PKN3: variants seen among roughly 807,000 people sequenced by gnomAD.
PKN3 encodes protein kinase N3.
Under a neutral mutation model 113.1 loss-of-function variants are expected in PKN3, and 91 were observed. The ratio of observed to expected loss-of-function variants is 0.80; its 90% CI spans 0.68 to 0.96. The LOEUF (loss-of-function observed/expected upper bound fraction) is 0.96, where lower values mean the gene tolerates loss of function less well. PKN3 is among the 40% of genes least tolerant of loss of function. PKN3 has a pLI of 0.00. For missense variants in PKN3, 1,052 were observed against 1,202.2 expected, an observed-to-expected ratio of 0.88 and a Z score of 1.85; for synonymous variants, 467 against 499.0, an observed-to-expected ratio of 0.94 and a Z score of 0.85.
intron 8 of PKN3, 53 bp from the exon 9 acceptor site, chr9:128,713,446 C>T (rs78054609): frequency 6.2e-7 from 1 of 1,612,560 alleles, no homozygotes; most frequent in East Asian, 2.2e-5. Context: ...GAAGGCTGCC[C>T]AGGTCGGGGC....
In PKN3 at chr9:128,713,615, G is replaced by C. The variant is rs772829128; in HGVS notation, c.1209G>C (p.Leu403=). The change falls in exon 9 of 22, where the codon CTG becomes CTC. Residue 403 remains leucine (L), a synonymous_variant. Transcript: ENST00000291906. The part of the protein sequence containing the change: ...DNACHQLSLS[L]VPQGLLFAQV... ...CCTGTCACCAACTGTCCCTCAGCCT[G>C]GTACCGCAGGGACTGCTTTTTGCCC... The C allele has an allele frequency of 3.0e-5, 49 of 1,613,738 alleles. No individual in the cohort carries two copies. Among genetic ancestry groups the C allele is most frequent in the Non-Finnish European group, 4.0e-5 (47 of 1,179,998 alleles).
At chr9:128,712,188 G>C (rs1290864052) in intron 6 of PKN3, among the ~76,000 whole-genome samples, 1 of 152,204 alleles carries the variant, frequency 6.6e-6, no homozygotes, top group Non-Finnish European at 1.5e-5. Flanking sequence ...GGGATTACAG[G>C]CATGAGCCAC....
At chr9:128,705,680 T>TG in intron 2 of PKN3, 54 bp from the exon 3 acceptor site, 1 of 1,548,078 alleles carries the variant, frequency 6.5e-7, no homozygotes, top group Non-Finnish European at 8.7e-7. Context: ...AAGGCCACAG[T>TG]GGGGGTCTCG....
Position 128,713,136 on chromosome 9 carries a change from G to A in PKN3, c.920G>A (p.Ser307Asn). 1 of 1,611,866 alleles carries A rather than the reference G, an allele frequency of 6.2e-7. No individual in the cohort carries two copies. Among genetic ancestry groups the A allele is most frequent in the Non-Finnish European group, 8.5e-7 (1 of 1,179,048 alleles). The change falls in exon 7 of 22, where the codon AGC becomes AAC. Residue 307 changes from serine (S) to asparagine (N), a missense_variant. Ser to Asn is a conservative substitution (Grantham distance 46). Coordinates refer to ENST00000291906, the MANE Select transcript of PKN3 (RefSeq NM_013355.5). Reference sequence around the variant, plus strand: ...TCCCCAGCGGCCGCACTGGCCAGCAGCCCCTCCGAGGGCTGGCTTCGGACC... The same window carrying A: ...TCCCCAGCGGCCGCACTGGCCAGCAACCCCTCCGAGGGCTGGCTTCGGACC... ...GRSPAAALASSPSEGWLRTKA... is the reference protein window; with the variant it reads ...GRSPAAALASNPSEGWLRTKA...
At position 128,702,546 on chromosome 9, in the gene PKN3, G is replaced by A; in HGVS notation, c.-370G>A. On this transcript the variant is annotated 5_prime_UTR_variant, in exon 1 of 22. Transcript: ENST00000291906. ...CCGGCTCCCGCGGGCGCGCGGCGGG[G>A]AAGGCCAGAGGACCTGGGCGCGGGC... 4.2e-6 allele frequency: 1 copy of A among 240,566 alleles called. No homozygotes were observed. Among genetic ancestry groups the A allele is most frequent in the South Asian group, 1.2e-4 (1 of 8,306 alleles). The allele number at this position is 240,566 out of a possible 1,614,324, so 14.9% of individuals were successfully genotyped here.
At position 128,707,251 on chromosome 9, in the gene PKN3, G is replaced by C; in HGVS notation, c.681G>C (p.Gln227His). 6.2e-7 allele frequency: 1 copy of C among 1,611,260 alleles called. No individual in the cohort carries two copies. Among genetic ancestry groups the C allele is most frequent in the Non-Finnish European group, 8.5e-7 (1 of 1,177,966 alleles). The stretch of plus-strand genomic sequence containing the variant: ...AGGCCCAGCTACAGGAGTCCTCTCA[G>C]AAACTGGACCTCCTGCGCCTGGCCT... ...EAQAQLQESS[Q>H]KLDLLRLALE... The change falls in exon 6 of 22, where the codon CAG becomes CAC. Residue 227 changes from glutamine (Q) to histidine (H), a missense_variant. This residue lies in a region of PKN3 where 719 missense variants were observed against 759.4 expected (regional missense o/e 0.95). Coordinates refer to ENST00000291906, the MANE Select transcript of PKN3 (RefSeq NM_013355.5).
rs527575809 is a variant in PKN3 at position 128,712,896 on chromosome 9, G to A, written c.836-156G>A. ...TAGGCACTCTAGGCCGCCACACTGA[G>A]TGAGGTTCCTCAGGTAACTGCCCTG... On this transcript the variant is annotated intron_variant, in intron 6 of 21. Coordinates refer to ENST00000291906, the MANE Select transcript of PKN3 (RefSeq NM_013355.5). Among the ~76,000 whole-genome samples, 33 of 152,312 alleles carry A rather than the reference G, an allele frequency of 2.2e-4. 1 individual carries two copies. Among genetic ancestry groups the A allele is most frequent in the Admixed American group, 1.8e-3 (27 of 15,308 alleles).
Position 128,705,480 on chromosome 9 carries a change from C to A in PKN3, c.202C>A (p.His68Asn). Residue 68 changes from histidine to asparagine, a missense_variant, in exon 2 of 22, where the codon CAT (histidine) becomes AAT (asparagine). His to Asn is a moderately conservative substitution (Grantham distance 68). Coordinates refer to ENST00000291906, the MANE Select transcript of PKN3 (RefSeq NM_013355.5). ...CTCCAACCGCCGCCTGGAGCAGCTG[C>A]ATGGCGAGCTGCGGGAGCTGCACGC... ...RSSNRRLEQL[H>N]GELRELHARI... 6.4e-7 allele frequency: 1 copy of A among 1,565,404 alleles called. No homozygotes were observed. Among genetic ancestry groups the A allele is most frequent in the Non-Finnish European group, 8.7e-7 (1 of 1,155,982 alleles).
At position 128,719,549 on chromosome 9, in the gene PKN3, C is replaced by T. The variant is rs1862459592; in HGVS notation, c.2126-137C>T. On this transcript the variant is annotated intron_variant, in intron 18 of 21. Coordinates refer to ENST00000291906, the MANE Select transcript of PKN3 (RefSeq NM_013355.5). ...GGCTCTGCATGCAGTCAAATGGCGT[C>T]ATAACCATTCCCACTTCCTTGGGTA... is the stretch of plus-strand genomic sequence containing the variant. 5 of 887,390 alleles carry T rather than the reference C, an allele frequency of 5.6e-6. No individual in the cohort carries two copies. The South Asian group carries it at 7.4e-5, about 13-fold the overall frequency. 55.0% of individuals were successfully genotyped at this position (887,390 alleles called of 1,614,324 possible). A position where few individuals can be genotyped will look rare whatever the true frequency, so the allele number is the denominator to read the frequency against.
At chr9:128,717,020 A>G in intron 16 of PKN3, 97 bp downstream of exon 16, 2 of 983,618 alleles carry the variant, frequency 2.0e-6, no homozygotes, top group East Asian at 4.9e-5. Context: ...GCCCAACAGC[A>G]GGGGAGCAGG....
intron 18 of PKN3, among the ~76,000 whole-genome samples, chr9:128,719,453 T>C (rs1010236298): frequency 4.6e-5 from 7 of 152,204 alleles, no homozygotes; most frequent in African/African-American, 1.4e-4. Context: ...CCTCCCAAAG[T>C]GCTGGGATTA....
chr9:128,703,881 C>T (rs906122955), intron 1 of PKN3: 2 of 985,358 alleles, frequency 2.0e-6, no homozygotes, highest in Non-Finnish European at 2.4e-6. Context: ...CTGCGGGGCT[C>T]CGCCCTGCAG....
intron 6 of PKN3, among the ~76,000 whole-genome samples, chr9:128,707,949 G>A (rs1309283299): frequency 6.6e-6 from 1 of 151,014 alleles, no homozygotes; most frequent in East Asian, 2.0e-4. Context: ...GCGGGTGCCT[G>A]TAATCCTGGT....
Position 128,711,607 on chromosome 9 carries a change from G to C in PKN3, c.836-1445G>C, listed in dbSNP as rs1489398221. Among the ~76,000 whole-genome samples the C allele has an allele frequency of 6.1e-5, 8 of 131,666 alleles. No homozygotes were observed. In the South Asian group the frequency reaches 7.2e-4, roughly 12 times the overall value. The allele number at this position is 131,666 out of a possible 152,430, so 86.4% of individuals were successfully genotyped here. On this transcript the variant is annotated intron_variant, in intron 6 of 21. Transcript: ENST00000291906. ...GCCACCACGCCCGGCCTTTTTTTTGGGGGGGGTGGGGGACAGAGTCTTGCT... is the reference window on the plus strand; with the variant it reads ...GCCACCACGCCCGGCCTTTTTTTTGCGGGGGGTGGGGGACAGAGTCTTGCT...
Position 128,706,983 on chromosome 9 carries a change from T to C in PKN3, c.611T>C (p.Leu204Pro). The change falls in exon 5 of 22, where the codon CTT becomes CCT. Residue 204 changes from leucine to proline, a missense_variant. Leu to Pro is a moderately conservative substitution (Grantham distance 98, BLOSUM62 -3). This residue lies in a region of PKN3 where 719 missense variants were observed against 759.4 expected (regional missense o/e 0.95). Coordinates refer to ENST00000291906, the MANE Select transcript of PKN3 (RefSeq NM_013355.5). ...GGCGCCAAGAACGTGGTGAAACTGC[T>C]TAGTAGCCGGAGAACACAGGACCGC... ...AEGAKNVVKLLSSRRTQDRKA... is the reference protein window; with the variant it reads ...AEGAKNVVKLPSSRRTQDRKA... 1 of 1,614,136 alleles carries C rather than the reference T, an allele frequency of 6.2e-7. No homozygotes were observed. Among genetic ancestry groups the C allele is most frequent in the African/African-American group, 1.3e-5 (1 of 75,026 alleles).
rs774559235 is a variant in PKN3, at chr9:128,715,262, G to C, written c.1716+27G>C. 3.7e-6 allele frequency: 6 copies of C among 1,613,136 alleles called. No homozygotes were observed. Among genetic ancestry groups the C allele is most frequent in the Non-Finnish European group, 3.4e-6 (4 of 1,179,138 alleles). The stretch of plus-strand genomic sequence containing the variant: ...TAGTGGGCTGAAGAGGGTGGTATGG[G>C]ACGGGATTGGGGGCCTCATCACATG... On this transcript the variant is annotated intron_variant, in intron 14 of 21. Transcript: ENST00000291906. This position sits in a 1 kb window ranked among gnomAD's most constrained non-coding sequence, Gnocchi z 4.1.
chr9:128,710,245 T>C (rs1862138589), intron 6 of PKN3, among the ~76,000 whole-genome samples: 1 of 151,834 alleles, frequency 6.6e-6, no homozygotes, highest in Non-Finnish European at 1.5e-5. Flanking sequence ...TTAATTTTCT[T>C]ATCTTGCACT....
chr9:128,710,685 T>C (rs907148535), intron 6 of PKN3, among the ~76,000 whole-genome samples: 2 of 151,844 alleles, frequency 1.3e-5, no homozygotes, highest in African/African-American at 4.8e-5. Context: ...AGAGACAGAG[T>C]TTTGCCATGT....
At chr9:128,711,457 C>A (rs1267959628) in intron 6 of PKN3, among the ~76,000 whole-genome samples, 1 of 151,940 alleles carries the variant, frequency 6.6e-6, no homozygotes, top group African/African-American at 2.4e-5. Flanking sequence ...ACTACAGGCG[C>A]CCGCCACTGC....
Sources: allele counts gnomAD v4.1 joint callset (sites outside exome capture counted in the v4.1 genomes callset), GRCh38; gene constraint gnomAD v4.1.1; regional missense constraint gnomAD v4.1.1; non-coding constraint Gnocchi (gnomAD v3.1); transcripts MANE v1.5; gene names NCBI Gene and HGNC (gene_info 2026-07-23, HGNC 2026-07-21).